Variants in GINS4 observed in about 807,000 individuals in gnomAD.
GINS4 encodes DNA replication complex GINS protein SLD5.
In GINS4, 20 loss-of-function variants were observed where a neutral mutation model predicts 31.1. The ratio of observed to expected loss-of-function variants is 0.64; its 90% confidence interval spans 0.45 to 0.93. The LOEUF (loss-of-function observed/expected upper bound fraction) is 0.93. GINS4 is among the 40% of genes least tolerant of loss of function. The pLI, the probability that GINS4 is intolerant of heterozygous loss-of-function variation, is 0.00. For missense variants in GINS4, 245 were observed against 273.9 expected (o/e 0.89, Z 0.75); for synonymous variants, 85 against 97.9 (o/e 0.87, Z 0.78).
Position 41,541,839 on chromosome 8 carries a change from T to G in GINS4, c.515T>G (p.Phe172Cys). The G allele has an allele frequency of 6.2e-7, 1 of 1,614,146 alleles. No homozygotes were observed. The highest frequency in any genetic ancestry group is 8.5e-7 in the Non-Finnish European group (1 of 1,179,990). Reference sequence around the variant, plus strand: ...AAACCAGATCTAGATTCTTACGTGTTTCTGAGAGTGAGAGAACGACAAGAA... The same window carrying G: ...AAACCAGATCTAGATTCTTACGTGTGTCTGAGAGTGAGAGAACGACAAGAA... ...VPKPDLDSYV[F>C]LRVRERQENI... The change falls in exon 7 of 8, where the codon TTT (phenylalanine) becomes TGT (cysteine). Residue 172 changes from phenylalanine to cysteine, a missense_variant. Phe to Cys is a radical substitution (Grantham distance 205). Transcript: ENST00000276533.
In GINS4 at chr8:41,539,736, C is replaced by T. The variant is rs767898710; in HGVS notation, c.356C>T (p.Pro119Leu). ...GAAAAAACACGTCCTGAGGGGGAGC[C>T]TTCCAGCCTCTCGCCGGAAGAGTTG... ...EKEKTRPEGE[P>L]SSLSPEELAF... The change falls in exon 5 of 8, where the codon CCT becomes CTT. Residue 119 changes from proline to leucine, a missense_variant. Coordinates refer to ENST00000276533, the MANE Select transcript of GINS4 (RefSeq NM_032336.3). The T allele has an allele frequency of 9.4e-5, 151 of 1,614,112 alleles. 3 individuals are homozygous for T. The South Asian group carries it at 1.6e-3, about 17-fold the overall frequency.
rs112065135 is a variant in GINS4, at chr8:41,541,974, G to A, written c.576-17G>A. ...CCAGCCGAGCTCTGCAGGCAAATGT[G>A]TTTCCCTCTTTTTCAGGGACTACGT... On this transcript the variant is annotated splice_polypyrimidine_tract_variant and intron_variant, in intron 7 of 7. Transcript: ENST00000276533. 2,695 of 1,612,900 alleles carry A rather than the reference G, an allele frequency of 1.7e-3. 39 individuals carry two copies. In the African/African-American group the frequency reaches 0.032, roughly 19 times the overall value.
chr8:41,539,553 C>T, intron 4 of GINS4, 125 bp from the exon 5 acceptor site: 1 of 721,394 alleles, frequency 1.4e-6, no homozygotes, highest in Non-Finnish European at 2.5e-6. Context: ...CTCCACCCAC[C>T]CTATCCCACC....
At position 41,537,791 on chromosome 8, in the gene GINS4, C is replaced by T. The variant is rs976321902; in HGVS notation, c.297+498C>T. The T allele has an allele frequency of 1.8e-4, 27 of 152,324 alleles. No individual in the cohort carries two copies. In the East Asian group the frequency reaches 2.7e-3, roughly 15 times the overall value. The allele number at this position is 152,324 out of a possible 1,614,324, so 9.4% of individuals were successfully genotyped here. A position where few individuals can be genotyped will look rare whatever the true frequency, so the allele number is the denominator to read the frequency against. On this transcript the variant is annotated intron_variant, in intron 4 of 7. Coordinates refer to ENST00000276533, the MANE Select transcript of GINS4 (RefSeq NM_032336.3). ...AATCCCAGCACTTTGGGAGGCTAGGCGGGTGGATCACCTGAGGTCAGGAGT... is the reference window on the plus strand; with the variant it reads ...AATCCCAGCACTTTGGGAGGCTAGGTGGGTGGATCACCTGAGGTCAGGAGT...
intron 4 of GINS4, chr8:41,537,880 G>C (rs1048570755): frequency 1.3e-5 from 2 of 152,092 alleles, no homozygotes; most frequent in East Asian, 3.9e-4. Flanking sequence ...AATTAGCCAG[G>C]CGTGGCGGCA....
At chr8:41,532,986 A>G (rs1192385662) in intron 2 of GINS4, among the ~76,000 whole-genome samples, 1 of 152,212 alleles carries the variant, frequency 6.6e-6, no homozygotes, top group Non-Finnish European at 1.5e-5. Context: ...CCCCAGGTAC[A>G]TACCTAGTGA....
At position 41,542,462 on chromosome 8, in the gene GINS4, T is replaced by C; in HGVS notation, c.*375T>C. 3.9e-6 allele frequency: 1 copy of C among 254,026 alleles called. No individual in the cohort carries two copies. Among genetic ancestry groups the C allele is most frequent in the Non-Finnish European group, 7.8e-6 (1 of 128,382 alleles). The allele number at this position is 254,026 out of a possible 1,614,324, so 15.7% of individuals were successfully genotyped here. A position where few individuals can be genotyped will look rare whatever the true frequency, so the allele number is the denominator to read the frequency against. On this transcript the variant is annotated 3_prime_UTR_variant, in exon 8 of 8. Coordinates refer to ENST00000276533, the MANE Select transcript of GINS4 (RefSeq NM_032336.3). ...AGGAGATCAAGACCATCCTGGCTAC[T>C]AAACCCCATCTCTACTAAACCCATC...
rs1253217550 is a variant in GINS4, at chr8:41,542,139, T to C, written c.*52T>C. On this transcript the variant is annotated 3_prime_UTR_variant, in exon 8 of 8. Coordinates refer to ENST00000276533, the MANE Select transcript of GINS4 (RefSeq NM_032336.3). ...TGACTCAAGCCTGTAATCCCAGCAC[T>C]TTGGGAGGCCGAGGCGGGCGGATCA... 1 of 1,409,160 alleles carries C rather than the reference T, an allele frequency of 7.1e-7. No individual in the cohort carries two copies. Among genetic ancestry groups the C allele is most frequent in the African/African-American group, 1.4e-5 (1 of 70,842 alleles). 87.3% of individuals were successfully genotyped at this position (1,409,160 alleles called of 1,614,324 possible).
chr8:41,536,546 T>G, intron 3 of GINS4, 100 bp downstream of exon 3: 1 of 691,546 alleles, frequency 1.4e-6, no homozygotes, highest in Non-Finnish European at 2.6e-6. Context: ...CTGTTTTGTT[T>G]GGCTCCACTC....
chr8:41,530,022 G>A, intron 1 of GINS4, 162 bp from the exon 2 acceptor site: 1 of 566,530 alleles, frequency 1.8e-6, no homozygotes, highest in Non-Finnish European at 3.1e-6. Context: ...GGAAGAGGCA[G>A]ACACTGGAAA....
chr8:41,540,887 C>A (rs567003158), intron 6 of GINS4, among the ~76,000 whole-genome samples: 1 of 152,100 alleles, frequency 6.6e-6, no homozygotes, highest in Non-Finnish European at 1.5e-5. Flanking sequence ...AGTCCAGGAT[C>A]CAGGCCCCCA....
At chr8:41,533,744 G>C (rs1017204066) in intron 2 of GINS4, among the ~76,000 whole-genome samples, 2 of 152,222 alleles carry the variant, frequency 1.3e-5, no homozygotes, top group Admixed American at 1.3e-4. Flanking sequence ...GCCACAGAGC[G>C]AAGTCCCAAA....
chr8:41,537,371 G>T, intron 4 of GINS4, 78 bp downstream of exon 4: 1 of 1,096,194 alleles, frequency 9.1e-7, no homozygotes, highest in African/African-American at 1.6e-5. Context: ...GAAAACTTGG[G>T]CTGGGGCCCA....
chr8:41,540,261 G>A (rs1173724859), intron 6 of GINS4: 2 of 520,010 alleles, frequency 3.8e-6, no homozygotes, highest in Non-Finnish European at 6.9e-6. Context: ...CGGGCATGGA[G>A]CCGCGTTCGC....
intron 2 of GINS4, chr8:41,534,079 G>A (rs576299861): frequency 1.4e-3 from 234 of 171,890 alleles, no homozygotes; most frequent in African/African-American, 4.5e-3. Context: ...ACTTCAGCCC[G>A]TAGCAATAAT....
At chr8:41,534,244 A>G (rs1325113001) in intron 2 of GINS4, 7 of 427,682 alleles carry the variant, frequency 1.6e-5, no homozygotes, top group Middle Eastern at 3.4e-4. Context: ...TCTTTATTAA[A>G]AAAAATTTAA....
chr8:41,537,969 C>G (rs1054938425), intron 4 of GINS4: 3 of 148,042 alleles, frequency 2.0e-5, no homozygotes, highest in Non-Finnish European at 4.4e-5. Context: ...TTCAGTGAGC[C>G]AAGATTGTAC....
At chr8:41,533,704 T>C (rs1355272105) in intron 2 of GINS4, among the ~76,000 whole-genome samples, 1 of 152,220 alleles carries the variant, frequency 6.6e-6, no homozygotes, top group Admixed American at 6.5e-5. Flanking sequence ...GCAGATTTGC[T>C]CATTTTAGTG....
At chr8:41,539,880 G>A (rs1451115031) in intron 5 of GINS4, 36 bp from the exon 6 acceptor site, 7 of 1,602,116 alleles carry the variant, frequency 4.4e-6, no homozygotes. Context: ...TCCATCAGCT[G>A]TGTACACCAC....
Sources: allele counts gnomAD v4.1 joint callset (sites outside exome capture counted in the v4.1 genomes callset), GRCh38; gene constraint gnomAD v4.1.1; transcripts MANE v1.5; gene names NCBI Gene and HGNC (gene_info 2026-07-23, HGNC 2026-07-21).